Variants in NDE1 observed in about 807,000 individuals in gnomAD.
NDE1 encodes the protein nuclear distribution protein nudE homolog 1.
Under a neutral mutation model 43.4 loss-of-function variants are expected in NDE1, and 28 were observed. That is an observed-to-expected ratio of 0.65 (90% CI 0.48 to 0.89). The LOEUF (loss-of-function observed/expected upper bound fraction) is 0.89. Among genes scored for constraint, NDE1 ranks in the 40% least tolerant of loss-of-function variants. NDE1 has a pLI of 0.00. For missense variants in NDE1, 441 were observed against 434.1 expected (o/e 1.02, Z -0.14); for synonymous variants, 184 against 172.0 (o/e 1.07, Z -0.55).
chr16:15,706,355 T>C (rs2039454838), intron 8 of NDE1, among the ~76,000 whole-genome samples: 1 of 152,140 alleles, frequency 6.6e-6, no homozygotes, highest in Admixed American at 6.5e-5. Flanking sequence ...AGTTTGACTG[T>C]TCCCTGTACG....
At chr16:15,681,611 C>T (rs150321355) in intron 4 of NDE1, among the ~76,000 whole-genome samples, 1,604 of 152,030 alleles carry the variant, frequency 0.011, 32 homozygotes, top group African/African-American at 0.036. Flanking sequence ...CCCATGATTT[C>T]TAGGAGATTT....
intron 6 of NDE1, among the ~76,000 whole-genome samples, chr16:15,693,234 ACCT>A (rs1370945271): frequency 2.0e-5 from 3 of 152,094 alleles, no homozygotes; most frequent in African/African-American, 7.2e-5. Flanking sequence ...TGAACTCCTG[ACCT>A]CAACTGATCG....
chr16:15,710,108 T>C (rs539248632), intron 8 of NDE1, among the ~76,000 whole-genome samples: 2 of 152,336 alleles, frequency 1.3e-5, no homozygotes, highest in African/African-American at 2.4e-5. Flanking sequence ...ACCTGCATTA[T>C]GTGTGTATTC....
chr16:15,705,571 G>A (rs903999915), intron 8 of NDE1, among the ~76,000 whole-genome samples: 1 of 152,160 alleles, frequency 6.6e-6, no homozygotes, highest in Non-Finnish European at 1.5e-5. Context: ...GACCTGAATC[G>A]GAAGACAGGT....
At chr16:15,687,255 G>GA (rs2038485248) in intron 4 of NDE1, 120 bp from the exon 5 acceptor site, 1 of 1,589,640 alleles carries the variant, frequency 6.3e-7, no homozygotes, top group South Asian at 1.1e-5. Context: ...TGGCATCTAG[G>GA]AAGTTTGGGG....
intron 4 of NDE1, among the ~76,000 whole-genome samples, chr16:15,685,273 G>A (rs184678023): frequency 1.7e-4 from 26 of 152,076 alleles, no homozygotes; most frequent in Non-Finnish European, 2.9e-4. Context: ...TTTGTTTTTC[G>A]AGACAGGGTC....
Position 15,705,984 on chromosome 16 carries a change from C to CAAAAAAAAAAAAAAAAAA in NDE1, c.947+9128_947+9145dup, listed in dbSNP as rs57451847. On this transcript the variant is annotated intron_variant, in intron 8 of 8. Transcript: ENST00000396354. The stretch of plus-strand genomic sequence containing the variant: ...TAGGCGACAGGGTGAGACTCCGTCT[C>CAAAAAAAAAAAAAAAAAA]AAAAAAAAAAAAAAAAAAAAATCAA... 5.8e-4 allele frequency among the ~76,000 whole-genome samples: 33 copies of CAAAAAAAAAAAAAAAAAA among 56,756 alleles called. 7 individuals carry two copies. The highest frequency in any genetic ancestry group is 2.4e-3 in the African/African-American group (21 of 8,904). 37.2% of individuals were successfully genotyped at this position (56,756 alleles called of 152,430 possible).
At chr16:15,704,269 A>T in intron 8 of NDE1, 1 of 853,376 alleles carries the variant, frequency 1.2e-6, no homozygotes, top group South Asian at 1.6e-5. Flanking sequence ...GGCACAAATA[A>T]GATGCAGATA....
In NDE1 at chr16:15,689,736, TAGAG is replaced by T. The variant is rs371619145; in HGVS notation, c.524-1407_524-1404del. 5.4e-3 allele frequency among the ~76,000 whole-genome samples: 819 copies of T among 152,126 alleles called. 7 individuals are homozygous for T. The highest frequency in any genetic ancestry group is 0.014 in the South Asian group (68 of 4,816). ...GGGTGGATCACCTGAGGTCAGGAGT[TAGAG>T]TCCAGCCTGGACAACATGGTGAAAC... On this transcript the variant is annotated intron_variant, in intron 5 of 8. Transcript: ENST00000396354.
chr16:15,717,528 C>T (rs1478227234), intron 8 of NDE1: 16 of 644,126 alleles, frequency 2.5e-5, no homozygotes, highest in Admixed American at 8.1e-5. Flanking sequence ...GGCGTGGTGG[C>T]GCACGCCTGT....
intron 8 of NDE1, chr16:15,717,077 A>T: frequency 1.3e-6 from 2 of 1,557,102 alleles, no homozygotes; most frequent in South Asian, 1.1e-5. Flanking sequence ...CCCTGACTTC[A>T]CTATGACTCC....
At chr16:15,653,174 A>G (rs1327538404) in intron 1 of NDE1, among the ~76,000 whole-genome samples, 3 of 152,136 alleles carry the variant, frequency 2.0e-5, no homozygotes, top group African/African-American at 7.2e-5. Flanking sequence ...TTTCTTCCAT[A>G]TTAGTACTTA....
At chr16:15,666,422 C>A (rs997632185) in intron 2 of NDE1, among the ~76,000 whole-genome samples, 1 of 152,014 alleles carries the variant, frequency 6.6e-6, no homozygotes, top group Non-Finnish European at 1.5e-5. Flanking sequence ...CCAGCTCTAG[C>A]AACATGGCAA....
intron 1 of NDE1, among the ~76,000 whole-genome samples, chr16:15,654,499 G>A (rs1228553421): frequency 6.6e-6 from 1 of 150,484 alleles, no homozygotes; most frequent in African/African-American, 2.5e-5. Context: ...TACTAGGGAC[G>A]CTGAGGTAGG....
intron 8 of NDE1, among the ~76,000 whole-genome samples, chr16:15,697,590 A>G (rs1033867002): frequency 4.6e-5 from 7 of 152,064 alleles, no homozygotes; most frequent in African/African-American, 1.7e-4. Context: ...GCATGTGCCT[A>G]TAGTCCCAGC....
chr16:15,676,246 A>C (rs1371534279), intron 3 of NDE1, among the ~76,000 whole-genome samples: 2 of 99,168 alleles, frequency 2.0e-5, no homozygotes, highest in Non-Finnish European at 3.7e-5. Flanking sequence ...TTTTTTTGAG[A>C]CAGAGTCTCG....
At chr16:15,708,889 G>A in intron 8 of NDE1, 1 of 1,554,434 alleles carries the variant, frequency 6.4e-7, no homozygotes, top group Middle Eastern at 1.7e-4. Context: ...CAAACAAGAA[G>A]GAGCCCGGTT....
intron 8 of NDE1, chr16:15,718,619 G>A (rs867519003): frequency 6.0e-5 from 55 of 919,266 alleles, no homozygotes; most frequent in Admixed American, 5.0e-4. Context: ...CCGGGACTCA[G>A]GCCGGGTCCG....
At position 15,677,832 on chromosome 16, in the gene NDE1, A is replaced by G. The variant is rs2037965197; in HGVS notation, c.269A>G (p.Tyr90Cys). The G allele has an allele frequency of 6.2e-7, 1 of 1,614,166 alleles. No homozygotes were observed. Residue 90 changes from tyrosine (Y) to cysteine (C), a missense_variant, in exon 4 of 9, where the codon TAC becomes TGC. Physicochemically the swap from Tyr to Cys is radical, Grantham distance 194. Transcript: ENST00000396354. Reference protein sequence around the residue: ...EKFEVQHSEGYRQISALEDDL... With the variant: ...EKFEVQHSEGCRQISALEDDL... ...TTTGAAGTGCAGCACTCTGAAGGCT[A>G]CCGGCAGATCTCAGCCTTGGAGGAT...
Sources: gnomAD v4.1 joint callset for allele counts (sites outside exome capture counted in the v4.1 genomes callset) on GRCh38, gnomAD v4.1.1 for gene constraint, MANE v1.5 for transcripts, NCBI Gene and HGNC (gene_info 2026-07-23, HGNC 2026-07-21) for gene names.